Variants in PACS1 observed in about 807,000 individuals in gnomAD.
The protein encoded by PACS1 is phosphofurin acidic cluster sorting protein 1.
In PACS1, 24 loss-of-function variants were observed where a neutral mutation model predicts 115.0. That is an observed-to-expected ratio of 0.21 (90% CI 0.15 to 0.29). The LOEUF (loss-of-function observed/expected upper bound fraction) is 0.29, where lower values mean the gene tolerates loss of function less well. Among genes scored for constraint, PACS1 ranks in the 10% least tolerant of loss-of-function variants. The pLI, the probability that PACS1 is intolerant of heterozygous loss-of-function variation, is 1.00. For missense variants in PACS1, 838 were observed against 1,251.2 expected (o/e 0.67, Z 4.98); for synonymous variants, 453 against 504.5 (o/e 0.90, Z 1.37).
intron 1 of PACS1, among the ~76,000 whole-genome samples, chr11:66,087,144 A>G (rs894181651): frequency 6.6e-6 from 1 of 151,596 alleles, no homozygotes; most frequent in Non-Finnish European, 1.5e-5. Flanking sequence ...CACTCCACCA[A>G]CGATAGCTAG....
Position 66,220,750 on chromosome 11 carries a change from G to A in PACS1, c.1158G>A (p.Glu386=). ...CCAGCGACAGTGGCCCTGAGATGGA[G>A]GAGACAGAAAGCATCCTCAGCACGC... The part of the protein sequence containing the change: ...YNPSDSGPEM[E]ETESILSTPK... The change falls in exon 9 of 24, where the codon GAG becomes GAA. Residue 386 remains glutamate (E), a synonymous_variant. Coordinates refer to ENST00000320580, the MANE Select transcript of PACS1 (RefSeq NM_018026.4). 6.2e-7 allele frequency: 1 copy of A among 1,614,116 alleles called. No homozygotes were observed.
chr11:66,080,119 A>C (rs141880818), intron 1 of PACS1, among the ~76,000 whole-genome samples: 1 of 152,268 alleles, frequency 6.6e-6, no homozygotes, highest in Non-Finnish European at 1.5e-5. Flanking sequence ...TAGATGCTCA[A>C]TAACTACATT....
intron 1 of PACS1, among the ~76,000 whole-genome samples, chr11:66,156,746 C>A (rs801738): frequency 6.6e-6 from 1 of 151,366 alleles, no homozygotes; most frequent in Admixed American, 6.6e-5. Context: ...CCCAGCTACT[C>A]GGGAGGCTGA....
At chr11:66,139,397 C>T (rs1416152129) in intron 1 of PACS1, among the ~76,000 whole-genome samples, 2 of 151,740 alleles carry the variant, frequency 1.3e-5, no homozygotes, top group Non-Finnish European at 2.9e-5. Flanking sequence ...CTATAGTCAC[C>T]CTGTTGTGCT....
chr11:66,156,853 GAAA>G (rs35580702), intron 1 of PACS1, among the ~76,000 whole-genome samples: 1 of 138,654 alleles, frequency 7.2e-6, no homozygotes. Context: ...ACTCTGTCTC[GAAA>G]AAAAAAAAAA....
intron 13 of PACS1, among the ~76,000 whole-genome samples, chr11:66,231,402 C>T (rs1855590510): frequency 6.6e-6 from 1 of 152,220 alleles, no homozygotes; most frequent in Non-Finnish European, 1.5e-5. Context: ...TAAACTGTTT[C>T]AATGGAAGGA....
At chr11:66,151,218 G>C (rs1473875628) in intron 1 of PACS1, among the ~76,000 whole-genome samples, 1 of 151,418 alleles carries the variant, frequency 6.6e-6, no homozygotes, top group Non-Finnish European at 1.5e-5. Flanking sequence ...GGCTAGAGAG[G>C]AATCTACCCT....
intron 1 of PACS1, among the ~76,000 whole-genome samples, chr11:66,095,344 CAA>C (rs1269580872): frequency 6.6e-6 from 1 of 152,022 alleles, no homozygotes; most frequent in Admixed American, 6.6e-5. Flanking sequence ...GCAACTTCAG[CAA>C]AGTCTCAGGA....
intron 19 of PACS1, chr11:66,238,126 T>C: frequency 2.0e-6 from 2 of 985,302 alleles, no homozygotes; most frequent in Non-Finnish European, 2.4e-6. Context: ...GGCTGTCCTT[T>C]CCAGAATTCT....
intron 1 of PACS1, among the ~76,000 whole-genome samples, chr11:66,120,541 A>G (rs1029331245): frequency 2.6e-5 from 4 of 152,208 alleles, no homozygotes; most frequent in African/African-American, 9.7e-5. Context: ...ACATGCAATT[A>G]TATGAGATCA....
intron 1 of PACS1, among the ~76,000 whole-genome samples, chr11:66,110,535 T>A (rs1271594627): frequency 1.3e-5 from 2 of 152,048 alleles, no homozygotes; most frequent in Non-Finnish European, 1.5e-5. Context: ...AACTCTAAAG[T>A]CTGATAGAAA....
intron 1 of PACS1, among the ~76,000 whole-genome samples, chr11:66,192,406 T>G (rs1854547305): frequency 6.6e-6 from 1 of 152,142 alleles, no homozygotes; most frequent in Non-Finnish European, 1.5e-5. Context: ...TGAGGAGGCG[T>G]TAGGTGGCAG....
chr11:66,175,900 A>G (rs1330475062), intron 1 of PACS1, among the ~76,000 whole-genome samples: 4 of 152,024 alleles, frequency 2.6e-5, no homozygotes, highest in African/African-American at 9.7e-5. Context: ...CTCAGATTGA[A>G]TTTTTTTCCT....
intron 1 of PACS1, among the ~76,000 whole-genome samples, chr11:66,075,047 A>G (rs1857372687): frequency 7.2e-6 from 1 of 138,330 alleles, no homozygotes; most frequent in South Asian, 2.3e-4. Flanking sequence ...GGTTCGCTCC[A>G]TTCTCCTGCC....
At chr11:66,123,560 C>T (rs1353625927) in intron 1 of PACS1, among the ~76,000 whole-genome samples, 6 of 150,046 alleles carry the variant, frequency 4.0e-5, no homozygotes, top group Admixed American at 1.3e-4. Flanking sequence ...TTCGCTCTGT[C>T]GCCCAGGCTA....
chr11:66,205,349 A>G (rs1854910929), intron 2 of PACS1, among the ~76,000 whole-genome samples: 1 of 151,986 alleles, frequency 6.6e-6, no homozygotes, highest in African/African-American at 2.4e-5. Context: ...TGATAGTGCA[A>G]CAGGACGATT....
chr11:66,134,694 G>A (rs560156908), intron 1 of PACS1, among the ~76,000 whole-genome samples: 16 of 152,020 alleles, frequency 1.1e-4, no homozygotes, highest in East Asian at 3.9e-4. Context: ...GTACCCTGGC[G>A]CCAGGGCGTT....
At chr11:66,198,861 A>G (rs1294762193) in intron 2 of PACS1, among the ~76,000 whole-genome samples, 1 of 152,230 alleles carries the variant, frequency 6.6e-6, no homozygotes, top group African/African-American at 2.4e-5. Flanking sequence ...CTTTGTATGT[A>G]AACACATAAT....
At chr11:66,143,616 G>A (rs890421502) in intron 1 of PACS1, among the ~76,000 whole-genome samples, 8 of 152,086 alleles carry the variant, frequency 5.3e-5, no homozygotes, top group African/African-American at 1.9e-4. Flanking sequence ...TACTTAGTTT[G>A]GGAAGCCATT....
Sources: gnomAD v4.1 joint callset for allele counts (sites outside exome capture counted in the v4.1 genomes callset) on GRCh38, gnomAD v4.1.1 for gene constraint, MANE v1.5 for transcripts, NCBI Gene and HGNC (gene_info 2026-07-23, HGNC 2026-07-21) for gene names.